Variants in ZSCAN20 observed in about 807,000 individuals in gnomAD.
ZSCAN20 encodes zinc finger and SCAN domain-containing protein 20.
A neutral mutation model predicts 97.1 loss-of-function variants in ZSCAN20; 39 were observed. The observed-to-expected ratio is 0.40, with a 90% confidence interval of 0.31 to 0.52. The LOEUF is 0.52. Ranked by LOEUF, ZSCAN20 falls within the 20% of genes least tolerant of loss-of-function variation. The pLI, the probability that ZSCAN20 is intolerant of heterozygous loss-of-function variation, is 0.49. For synonymous variants in ZSCAN20, 456 were observed against 467.3 expected (o/e 0.98, Z 0.31); for missense variants, 1,115 against 1,290.4 (o/e 0.86, Z 2.08).
Position 33,499,905 on chromosome 1 carries a change from G to T in ZSCAN20, c.*4429G>T, listed in dbSNP as rs1653005545. On this transcript the variant is annotated 3_prime_UTR_variant, in exon 8 of 8. Coordinates refer to ENST00000684572, the MANE Select transcript of ZSCAN20 (RefSeq NM_001377376.1). Reference sequence around the variant, plus strand: ...TGATCCCATCCTCCATTTGGGCATTGCTCAGCTCCCCCACCTGTTAATAGC... The same window carrying T: ...TGATCCCATCCTCCATTTGGGCATTTCTCAGCTCCCCCACCTGTTAATAGC... Among the ~76,000 whole-genome samples the T allele has an allele frequency of 6.6e-6, 1 of 151,960 alleles. No individual in the cohort carries two copies. The highest frequency in any genetic ancestry group is 1.5e-5 in the Non-Finnish European group (1 of 67,996).
At chr1:33,488,771 TG>T in intron 3 of ZSCAN20, 120 bp downstream of exon 3, 1 of 1,104,866 alleles carries the variant, frequency 9.1e-7, no homozygotes, top group Non-Finnish European at 1.3e-6. Flanking sequence ...TAGGCTGCAG[TG>T]TGGTGGGCAC....
Position 33,493,475 on chromosome 1 carries a change from TG to T in ZSCAN20, c.1737del (p.Thr580LeufsTer49), listed in dbSNP as rs1475334918. The T allele has an allele frequency of 6.2e-7, 1 of 1,614,176 alleles. No homozygotes were observed. Among genetic ancestry groups the T allele is most frequent in the Non-Finnish European group, 8.5e-7 (1 of 1,180,028 alleles). Reference sequence around the variant, plus strand: ...AGGGCTCGGGCTGCAGTCAGGGCCATGGGGACTGTCCGAGAGGCTGCAGGTC... The same window carrying T: ...AGGGCTCGGGCTGCAGTCAGGGCCATGGGACTGTCCGAGAGGCTGCAGGTC... ...LMRARAAVRA[M>X]GTVREAAGLP... On this transcript the variant is annotated frameshift_variant, in exon 7 of 8. Transcript: ENST00000684572. LOFTEE classifies it high-confidence loss of function. The surrounding 1 kb of genome is among the most constrained non-coding windows in gnomAD (Gnocchi z 4.3).
intron 2 of ZSCAN20, among the ~76,000 whole-genome samples, chr1:33,484,316 G>A (rs1378647562): frequency 1.3e-5 from 2 of 152,212 alleles, no homozygotes; most frequent in East Asian, 3.8e-4. Context: ...TAGGATGTTA[G>A]CTGTAGGTTT....
Position 33,494,367 on chromosome 1 carries a change from G to C in ZSCAN20, c.2023G>C (p.Gly675Arg). The C allele has an allele frequency of 6.2e-7, 1 of 1,614,118 alleles. No homozygotes were observed. Among genetic ancestry groups the C allele is most frequent in the African/African-American group, 1.3e-5 (1 of 75,038 alleles). Residue 675 changes from glycine (G) to arginine (R), a missense_variant, in exon 8 of 8, where the codon GGG (glycine) becomes CGG (arginine). Coordinates refer to ENST00000684572, the MANE Select transcript of ZSCAN20 (RefSeq NM_001377376.1). ...CAGTGAAAATGAAAATGAAGATGAA[G>C]GGCAGTGGGGAAATCCCTCACAGGA... ...EDSENENEDE[G>R]QWGNPSQEQW...
At position 33,501,536 on chromosome 1, in the gene ZSCAN20, A is replaced by ATTTTT. The variant is rs34549868; in HGVS notation, c.*6070_*6074dup. 7.5e-4 allele frequency among the ~76,000 whole-genome samples: 102 copies of ATTTTT among 136,714 alleles called. No homozygotes were observed. Among genetic ancestry groups the ATTTTT allele is most frequent in the Admixed American group, 1.3e-3 (17 of 13,594 alleles). The allele number at this position is 136,714 out of a possible 152,430, so 89.7% of individuals were successfully genotyped here. A position where few individuals can be genotyped will look rare whatever the true frequency, so the allele number is the denominator to read the frequency against. On this transcript the variant is annotated 3_prime_UTR_variant, in exon 8 of 8. Coordinates refer to ENST00000684572, the MANE Select transcript of ZSCAN20 (RefSeq NM_001377376.1). ...TGCTTTCACTTCCCCATTTTCTGTT[A>ATTTTT]TTTTTTTTTTTTTTGTGCTGTTATG...
rs2148485189 is a variant in ZSCAN20, at chr1:33,497,673, C to G, written c.*2197C>G. The stretch of plus-strand genomic sequence containing the variant: ...CTTTTGGGACACTGTTGTGGTATTT[C>G]AGCTAAAGGCTAGGGTCTGAACTAG... On this transcript the variant is annotated 3_prime_UTR_variant, in exon 8 of 8. Coordinates refer to ENST00000684572, the MANE Select transcript of ZSCAN20 (RefSeq NM_001377376.1). 6.6e-6 allele frequency among the ~76,000 whole-genome samples: 1 copy of G among 152,090 alleles called. No homozygotes were observed. Among genetic ancestry groups the G allele is most frequent in the Admixed American group, 6.5e-5 (1 of 15,298 alleles).
intron 2 of ZSCAN20, among the ~76,000 whole-genome samples, chr1:33,485,814 A>G (rs1037046823): frequency 6.6e-6 from 1 of 152,026 alleles, no homozygotes; most frequent in Non-Finnish European, 1.5e-5. Context: ...TTCCCATTTT[A>G]AATTTCATTT....
intron 2 of ZSCAN20, among the ~76,000 whole-genome samples, chr1:33,483,429 C>T (rs994672225): frequency 6.6e-6 from 1 of 152,080 alleles, no homozygotes; most frequent in Non-Finnish European, 1.5e-5. Flanking sequence ...CAATACCACA[C>T]TGTCTTGATT....
In ZSCAN20 at chr1:33,494,596, C is replaced by T. The variant is rs761945077; in HGVS notation, c.2252C>T (p.Ser751Phe). 6.2e-7 allele frequency: 1 copy of T among 1,613,998 alleles called. No individual in the cohort carries two copies. Among genetic ancestry groups the T allele is most frequent in the Non-Finnish European group, 8.5e-7 (1 of 1,179,856 alleles). Residue 751 changes from serine to phenylalanine, a missense_variant, in exon 8 of 8, where the codon TCT becomes TTT. Physicochemically the swap from Ser to Phe is radical, Grantham distance 155. Transcript: ENST00000684572. ...LECGKNFSDRSNLNTHQRIHT... is the reference protein window; with the variant it reads ...LECGKNFSDRFNLNTHQRIHT... ...TGTGGAAAAAACTTTAGTGACCGCT[C>T]TAACCTCAATACCCATCAGAGAATC...
At chr1:33,490,066 GC>G (rs1208869278) in intron 5 of ZSCAN20, among the ~76,000 whole-genome samples, 4 of 152,182 alleles carry the variant, frequency 2.6e-5, no homozygotes, top group Non-Finnish European at 5.9e-5. Context: ...CTCCTATGTG[GC>G]AAGCCAAATA....
chr1:33,491,307 G>A lies in ZSCAN20; in HGVS notation c.1049G>A (p.Cys350Tyr). 6.2e-7 allele frequency: 1 copy of A among 1,614,156 alleles called. No individual in the cohort carries two copies. Among genetic ancestry groups the A allele is most frequent in the African/African-American group, 1.3e-5 (1 of 75,038 alleles). Reference sequence around the variant, plus strand: ...CCTTTCTCTGAAAAGCTCCGGACTTGTCACCAGAACCGCCAGGTATATCGG... The same window carrying A: ...CCTTTCTCTGAAAAGCTCCGGACTTATCACCAGAACCGCCAGGTATATCGG... Reference protein sequence around the residue: ...ESPFSEKLRTCHQNRQVYRAI... With the variant: ...ESPFSEKLRTYHQNRQVYRAI... Residue 350 changes from cysteine (C) to tyrosine (Y), a missense_variant, in exon 6 of 8, where the codon TGT (cysteine) becomes TAT (tyrosine). Physicochemically the swap from Cys to Tyr is radical, Grantham distance 194. Coordinates refer to ENST00000684572, the MANE Select transcript of ZSCAN20 (RefSeq NM_001377376.1). This position sits in a 1 kb window ranked among gnomAD's most constrained non-coding sequence, Gnocchi z 4.3.
At position 33,488,670 on chromosome 1, in the gene ZSCAN20, A is replaced by G; in HGVS notation, c.604+19A>G. The G allele has an allele frequency of 1.2e-6, 2 of 1,600,718 alleles. No homozygotes were observed. The highest frequency in any genetic ancestry group is 1.1e-5 in the South Asian group (1 of 88,626). On this transcript the variant is annotated intron_variant, in intron 3 of 7. Coordinates refer to ENST00000684572, the MANE Select transcript of ZSCAN20 (RefSeq NM_001377376.1). Reference sequence around the variant, plus strand: ...GAGAGTGGTGAGTACATCTGAGAACATTAGGGAATGAGGCCTTCTGCAGGG... The same window carrying G: ...GAGAGTGGTGAGTACATCTGAGAACGTTAGGGAATGAGGCCTTCTGCAGGG...
At chr1:33,488,400 T>G (rs1652449522) in intron 2 of ZSCAN20, 65 bp from the exon 3 acceptor site, 5 of 1,534,868 alleles carry the variant, frequency 3.3e-6, no homozygotes, top group Non-Finnish European at 4.4e-6. Context: ...ACTGCAGTTG[T>G]ACTCAAAATA....
Position 33,501,231 on chromosome 1 carries a change from C to T in ZSCAN20, c.*5755C>T, listed in dbSNP as rs867477578. Among the ~76,000 whole-genome samples, 1 of 152,150 alleles carries T rather than the reference C, an allele frequency of 6.6e-6. No homozygotes were observed. The highest frequency in any genetic ancestry group is 2.4e-5 in the African/African-American group (1 of 41,440). On this transcript the variant is annotated 3_prime_UTR_variant, in exon 8 of 8. Transcript: ENST00000684572. Reference sequence around the variant, plus strand: ...AGAGGTAAGGCCAGCTAGGCTGGAGCGCCAGCATCAGTAGTAGGGGCAGGA... The same window carrying T: ...AGAGGTAAGGCCAGCTAGGCTGGAGTGCCAGCATCAGTAGTAGGGGCAGGA...
At position 33,494,876 on chromosome 1, in the gene ZSCAN20, T is replaced by A; in HGVS notation, c.2532T>A (p.Ser844=). 1 of 1,614,212 alleles carries A rather than the reference T, an allele frequency of 6.2e-7. No homozygotes were observed. Among genetic ancestry groups the A allele is most frequent in the Non-Finnish European group, 8.5e-7 (1 of 1,180,038 alleles). The part of the protein sequence containing the change: ...SPSFSAHWRN[S]TEETAPEQPQ... ...CTTTTAGTGCTCACTGGAGGAATTC[T>A]ACAGAAGAGACAGCTCCTGAACAAC... The change falls in exon 8 of 8, where the codon TCT becomes TCA. Residue 844 remains serine (S), a synonymous_variant. Coordinates refer to ENST00000684572, the MANE Select transcript of ZSCAN20 (RefSeq NM_001377376.1).
chr1:33,473,846 CCT>C (rs1651822796), intron 1 of ZSCAN20, among the ~76,000 whole-genome samples: 1 of 152,194 alleles, frequency 6.6e-6, no homozygotes, highest in Non-Finnish European at 1.5e-5. Context: ...GTCTCAATCA[CCT>C]CTGTTTCCCC....
intron 5 of ZSCAN20, 40 bp from the exon 6 acceptor site, chr1:33,490,985 A>G: frequency 1.3e-6 from 2 of 1,538,754 alleles, no homozygotes; most frequent in Non-Finnish European, 1.7e-6. Context: ...ATGCCGCTCA[A>G]CAGACCATTT....
At chr1:33,488,094 A>G (rs1289770056) in intron 2 of ZSCAN20, among the ~76,000 whole-genome samples, 1 of 152,144 alleles carries the variant, frequency 6.6e-6, no homozygotes, top group African/African-American at 2.4e-5. Flanking sequence ...GCCTTTTAAT[A>G]TACAACTTGA....
At chr1:33,487,644 A>G (rs1351530122) in intron 2 of ZSCAN20, among the ~76,000 whole-genome samples, 1 of 151,860 alleles carries the variant, frequency 6.6e-6, no homozygotes, top group Admixed American at 6.6e-5. Context: ...TTAAAATTCC[A>G]TCTAATTTCT....
Sources: gnomAD v4.1 joint callset for allele counts (sites outside exome capture counted in the v4.1 genomes callset) on GRCh38, gnomAD v4.1.1 for gene constraint, Gnocchi (gnomAD v3.1) non-coding constraint, MANE v1.5 for transcripts, NCBI Gene and HGNC (gene_info 2026-07-23, HGNC 2026-07-21) for gene names.